The following EGLN1 variants were observed in gnomAD, a reference collection of about 807,000 sequenced individuals.
EGLN1 encodes the protein egl nine homolog 1.
Under a neutral mutation model 38.3 loss-of-function variants are expected in EGLN1, and 17 were observed. The ratio of observed to expected loss-of-function variants is 0.44; its 90% confidence interval spans 0.30 to 0.67. The LOEUF is 0.67. EGLN1 is among the 30% of genes least tolerant of loss of function. The pLI is 0.08. For synonymous variants in EGLN1, 283 were observed against 257.5 expected, an observed-to-expected ratio of 1.10 and a Z score of -0.95; for missense variants, 477 against 603.3, an observed-to-expected ratio of 0.79 and a Z score of 2.19.
chr1:231,371,380 A>C lies in EGLN1; in HGVS notation c.1012-682T>G, dbSNP rs896228943. On this transcript the variant is annotated intron_variant, in intron 2 of 4. Transcript: ENST00000366641. ...ACAAAATTATTATTAGAAATAAATT[A>C]TGTCAAATAGTTTACCATACTTTAA... 4.6e-5 allele frequency among the ~76,000 whole-genome samples: 7 copies of C among 152,350 alleles called. 1 individual carries two copies. Among genetic ancestry groups the C allele is most frequent in the African/African-American group, 1.7e-4 (7 of 41,598 alleles).
At position 231,421,253 on chromosome 1, in the gene EGLN1, G is replaced by A. The variant is rs1057822; in HGVS notation, c.636C>T (p.Asp212=). The change falls in exon 1 of 5, where the codon GAC becomes GAT. Residue 212 remains aspartate (D), a synonymous_variant. Transcript: ENST00000366641. The surrounding 1 kb of genome is among the most constrained non-coding windows in gnomAD (Gnocchi z 5.5). ...MNKHGICVVD[D]FLGKETGQQI... The stretch of plus-strand genomic sequence containing the variant: ...GCTGTCCGGTCTCCTTGCCGAGGAA[G>A]TCGTCCACCACACAGATGCCGTGCT... 1 of 1,613,846 alleles carries A rather than the reference G, an allele frequency of 6.2e-7. No individual in the cohort carries two copies. The highest frequency in any genetic ancestry group is 1.1e-5 in the South Asian group (1 of 91,088).
intron 1 of EGLN1, among the ~76,000 whole-genome samples, chr1:231,389,414 A>ATT (rs560952302): frequency 1.9e-4 from 29 of 150,822 alleles, no homozygotes; most frequent in Admixed American, 3.3e-4. Context: ...ATGAAAAAAA[A>ATT]TTTTTTTTTA....
chr1:231,397,880 A>G (rs1479869901), intron 1 of EGLN1, among the ~76,000 whole-genome samples: 1 of 152,218 alleles, frequency 6.6e-6, no homozygotes, highest in South Asian at 2.1e-4. Context: ...AAAGGCTGAG[A>G]TAAGACAGAT....
chr1:231,380,673 G>C (rs913274549), intron 1 of EGLN1, among the ~76,000 whole-genome samples: 5 of 152,152 alleles, frequency 3.3e-5, no homozygotes, highest in Admixed American at 6.5e-5. Flanking sequence ...ATTATTGCAT[G>C]AGCTTATATT....
chr1:231,403,642 G>A (rs953427177), intron 1 of EGLN1, among the ~76,000 whole-genome samples: 7 of 151,496 alleles, frequency 4.6e-5, no homozygotes, highest in Non-Finnish European at 7.4e-5. Flanking sequence ...CCAGTGGTGC[G>A]TGCCTGTACT....
intron 1 of EGLN1, among the ~76,000 whole-genome samples, chr1:231,398,220 A>G (rs1350380501): frequency 1.3e-5 from 2 of 152,278 alleles, no homozygotes; most frequent in East Asian, 3.8e-4. Flanking sequence ...AAAGATAATT[A>G]GTTCAAGAAA....
At chr1:231,393,577 T>C (rs1016602750) in intron 1 of EGLN1, among the ~76,000 whole-genome samples, 1 of 152,200 alleles carries the variant, frequency 6.6e-6, no homozygotes, top group African/African-American at 2.4e-5. Context: ...TTCATAACAA[T>C]GAACAATCAA....
chr1:231,387,397 T>A (rs535344506), intron 1 of EGLN1, among the ~76,000 whole-genome samples: 113 of 150,354 alleles, frequency 7.5e-4, no homozygotes, highest in Middle Eastern at 3.4e-3. Flanking sequence ...TCTCGCTCTG[T>A]CGCCCAGGCT....
At chr1:231,398,084 T>C (rs1688576334) in intron 1 of EGLN1, among the ~76,000 whole-genome samples, 1 of 152,218 alleles carries the variant, frequency 6.6e-6, no homozygotes, top group Non-Finnish European at 1.5e-5. Context: ...TCTGGAATCT[T>C]TGTAATTGCA....
chr1:231,371,351 T>G (rs1359765865), intron 2 of EGLN1, among the ~76,000 whole-genome samples: 25 of 152,210 alleles, frequency 1.6e-4, no homozygotes, highest in Admixed American at 1.6e-3. Flanking sequence ...TTCAAGAAAT[T>G]TTGACAAAAT....
intron 1 of EGLN1, among the ~76,000 whole-genome samples, chr1:231,391,775 A>G (rs1478370679): frequency 1.3e-5 from 2 of 152,196 alleles, no homozygotes; most frequent in African/African-American, 2.4e-5. Flanking sequence ...CTTTTTATAA[A>G]AAAGCGTTTA....
Position 231,405,589 on chromosome 1 carries a change from G to A in EGLN1, c.891+15409C>T, listed in dbSNP as rs1688768407. ...CATAGATGGAGAGACTGGCAGAGTT[G>A]TTGAGTGCCTTGCTCAGTAGTAGAG... On this transcript the variant is annotated intron_variant, in intron 1 of 4. Coordinates refer to ENST00000366641, the MANE Select transcript of EGLN1 (RefSeq NM_022051.3). 1.3e-5 allele frequency among the ~76,000 whole-genome samples: 2 copies of A among 152,154 alleles called. 1 individual carries two copies. Among genetic ancestry groups the A allele is most frequent in the South Asian group, 4.1e-4 (2 of 4,830 alleles).
intron 1 of EGLN1, among the ~76,000 whole-genome samples, chr1:231,379,671 G>A (rs1054383811): frequency 1.1e-4 from 16 of 152,106 alleles, no homozygotes; most frequent in African/African-American, 4.8e-5. Flanking sequence ...TAACAGATAC[G>A]TCAGTCCACA....
intron 1 of EGLN1, among the ~76,000 whole-genome samples, chr1:231,401,436 C>T (rs1688660524): frequency 6.6e-6 from 1 of 152,082 alleles, no homozygotes; most frequent in African/African-American, 2.4e-5. Context: ...TTCACTAGCC[C>T]AGCAATTATA....
chr1:231,371,556 T>A lies in EGLN1; in HGVS notation c.1012-858A>T, dbSNP rs181303750. 6.6e-5 allele frequency among the ~76,000 whole-genome samples: 10 copies of A among 152,300 alleles called. No individual in the cohort carries two copies. The East Asian group carries it at 1.9e-3, about 29-fold the overall frequency. ...GTTCATTAGAACCTGTGGCTCTCCC[T>A]TTCCAGACTGGGCCTGATGCACAGA... is the stretch of plus-strand genomic sequence containing the variant. On this transcript the variant is annotated intron_variant, in intron 2 of 4. Transcript: ENST00000366641.
chr1:231,380,910 T>C (rs1000169953), intron 1 of EGLN1, among the ~76,000 whole-genome samples: 10 of 152,142 alleles, frequency 6.6e-5, no homozygotes, highest in African/African-American at 1.2e-4. Flanking sequence ...GTTAATCTTT[T>C]CCCTACTGAG....
chr1:231,387,070 G>A (rs1688230939), intron 1 of EGLN1, among the ~76,000 whole-genome samples: 1 of 151,378 alleles, frequency 6.6e-6, no homozygotes, highest in Admixed American at 6.6e-5. Context: ...TGTTGCCCAG[G>A]GTGGTCTCAA....
intron 1 of EGLN1, among the ~76,000 whole-genome samples, chr1:231,380,243 G>T (rs1184477567): frequency 2.0e-5 from 3 of 151,570 alleles, no homozygotes; most frequent in African/African-American, 7.3e-5. Flanking sequence ...GTGAACCCGG[G>T]AGGCGGAGCT....
intron 1 of EGLN1, among the ~76,000 whole-genome samples, chr1:231,378,724 A>G (rs1688014699): frequency 1.3e-5 from 2 of 152,234 alleles, no homozygotes; most frequent in South Asian, 4.1e-4. Flanking sequence ...AGAAGGCTTC[A>G]ATATGAAGCT....
Sources: allele counts gnomAD v4.1 joint callset (sites outside exome capture counted in the v4.1 genomes callset), GRCh38; gene constraint gnomAD v4.1.1; non-coding constraint Gnocchi (gnomAD v3.1); transcripts MANE v1.5; gene names NCBI Gene and HGNC (gene_info 2026-07-23, HGNC 2026-07-21).